Variants in RGS6 observed in about 807,000 individuals in gnomAD.
RGS6 encodes regulator of G-protein signaling 6.
Under a neutral mutation model 78.5 loss-of-function variants are expected in RGS6, and 30 were observed. The ratio of observed to expected loss-of-function variants is 0.38; its 90% CI spans 0.29 to 0.52. RGS6 has a LOEUF of 0.52. RGS6 is among the 20% of genes least tolerant of loss of function. RGS6 has a pLI of 0.85. For missense variants in RGS6, 495 were observed against 609.7 expected (o/e 0.81, Z 1.98); for synonymous variants, 206 against 206.0 (o/e 1.00, Z 0.00).
intron 2 of RGS6, among the ~76,000 whole-genome samples, chr14:72,009,164 G>A (rs543399286): frequency 6.6e-6 from 1 of 152,268 alleles, no homozygotes; most frequent in African/African-American, 2.4e-5. Context: ...AGAACAACCT[G>A]GGCAACAGAG....
intron 2 of RGS6, among the ~76,000 whole-genome samples, chr14:72,080,868 A>G (rs1295633827): frequency 6.6e-6 from 1 of 152,048 alleles, no homozygotes; most frequent in Non-Finnish European, 1.5e-5. Context: ...ACCTTGTTCC[A>G]TTGGCCTAAG....
chr14:72,021,887 G>C (rs532117975), intron 2 of RGS6, among the ~76,000 whole-genome samples: 1 of 151,964 alleles, frequency 6.6e-6, no homozygotes, highest in Non-Finnish European at 1.5e-5. Flanking sequence ...GGTGTATTAA[G>C]CCTAGTACCC....
At position 72,015,460 on chromosome 14, in the gene RGS6, C is replaced by T. The variant is rs188515433; in HGVS notation, c.84+50585C>T. Among the ~76,000 whole-genome samples, 5 of 152,282 alleles carry T rather than the reference C, an allele frequency of 3.3e-5. No homozygotes were observed. The East Asian group carries it at 7.7e-4, about 23-fold the overall frequency. ...ACTATAGCAACTGCTCCATAGGATTCCAGTATATACGAATAAATCAAGAGT... is the reference window on the plus strand; with the variant it reads ...ACTATAGCAACTGCTCCATAGGATTTCAGTATATACGAATAAATCAAGAGT... On this transcript the variant is annotated intron_variant, in intron 2 of 17. Transcript: ENST00000553525.
chr14:71,988,912 C>T (rs1405572431), intron 2 of RGS6, among the ~76,000 whole-genome samples: 5 of 152,152 alleles, frequency 3.3e-5, no homozygotes, highest in Non-Finnish European at 2.9e-5. Flanking sequence ...TGTTTCCTTT[C>T]CTGAGGGGTC....
In RGS6 at chr14:72,416,149, A is replaced by G. The variant is rs1053873754; in HGVS notation, c.185-38379A>G. 3.1e-3 allele frequency among the ~76,000 whole-genome samples: 469 copies of G among 152,074 alleles called. 1 individual carries two copies. Among genetic ancestry groups the G allele is most frequent in the African/African-American group, 0.011 (448 of 41,510 alleles). Reference sequence around the variant, plus strand: ...GACAGAATGAGACTCTGTCTCAAAAAAAAAAAAAAAAAAGTTTATTCCTAG... The same window carrying G: ...GACAGAATGAGACTCTGTCTCAAAAGAAAAAAAAAAAAAGTTTATTCCTAG... On this transcript the variant is annotated intron_variant, in intron 3 of 17. Transcript: ENST00000553525.
At chr14:72,203,808 C>A (rs528601150) in intron 2 of RGS6, among the ~76,000 whole-genome samples, 11 of 135,366 alleles carry the variant, frequency 8.1e-5, no homozygotes, top group African/African-American at 1.9e-4. Context: ...GCTATTGTAA[C>A]CTTTCTTTCT....
At chr14:72,418,276 C>T (rs974436654) in intron 3 of RGS6, among the ~76,000 whole-genome samples, 6 of 152,010 alleles carry the variant, frequency 3.9e-5, no homozygotes, top group African/African-American at 1.4e-4. Context: ...AAGCAATTCT[C>T]CTGCCTCAGC....
chr14:72,345,435 G>A (rs1352586962), intron 2 of RGS6, among the ~76,000 whole-genome samples: 5 of 152,172 alleles, frequency 3.3e-5, no homozygotes, highest in Non-Finnish European at 7.3e-5. Flanking sequence ...TAGGCATTTT[G>A]ATCATTGTCA....
chr14:72,269,265 A>G (rs2059553646), intron 2 of RGS6, among the ~76,000 whole-genome samples: 1 of 152,202 alleles, frequency 6.6e-6, no homozygotes, highest in South Asian at 2.1e-4. Context: ...AGGCAGATAA[A>G]CCAGATCAGA....
chr14:72,470,247 G>A lies in RGS6; in HGVS notation c.536+164G>A, dbSNP rs114816444. 6.6e-3 allele frequency among the ~76,000 whole-genome samples: 1,010 copies of A among 152,250 alleles called. 6 individuals are homozygous for A. Among genetic ancestry groups the A allele is most frequent in the African/African-American group, 0.023 (964 of 41,530 alleles). On this transcript the variant is annotated intron_variant, in intron 8 of 17. Coordinates refer to ENST00000553525, the MANE Select transcript of RGS6 (RefSeq NM_001204424.2). Reference sequence around the variant, plus strand: ...ATTAAAGTCAGGATGGATAAGTTTTGTCTTCATAATCAATGCTTCTCTAAA... The same window carrying A: ...ATTAAAGTCAGGATGGATAAGTTTTATCTTCATAATCAATGCTTCTCTAAA...
chr14:72,013,271 CAAAAAA>C (rs59579709), intron 2 of RGS6, among the ~76,000 whole-genome samples: 1 of 77,052 alleles, frequency 1.3e-5, no homozygotes, highest in Non-Finnish European at 2.3e-5. Flanking sequence ...ACTCCGTCTC[CAAAAAA>C]AAAAAAAAAA....
At chr14:72,555,374 G>T (rs1337983323) in intron 17 of RGS6, among the ~76,000 whole-genome samples, 2 of 152,236 alleles carry the variant, frequency 1.3e-5, no homozygotes, top group African/African-American at 4.8e-5. Flanking sequence ...TGCCAGGCTT[G>T]TCAGCCAGCA....
intron 12 of RGS6, among the ~76,000 whole-genome samples, chr14:72,493,116 C>T (rs1415821926): frequency 6.6e-6 from 1 of 152,154 alleles, no homozygotes; most frequent in African/African-American, 2.4e-5. Flanking sequence ...GCCCACTGAG[C>T]CGCCAAGCAG....
intron 2 of RGS6, among the ~76,000 whole-genome samples, chr14:72,134,974 G>A (rs536914173): frequency 4.8e-4 from 73 of 152,218 alleles, no homozygotes; most frequent in Non-Finnish European, 9.1e-4. Flanking sequence ...TCAAATGCCA[G>A]TTTCTTCTGA....
chr14:72,285,627 T>A (rs1333719784), intron 2 of RGS6, among the ~76,000 whole-genome samples: 2 of 152,222 alleles, frequency 1.3e-5, no homozygotes, highest in African/African-American at 2.4e-5. Flanking sequence ...TTTTACATTT[T>A]ACATTTCCAC....
intron 6 of RGS6, among the ~76,000 whole-genome samples, chr14:72,464,274 AAGC>A (rs1166765748): frequency 6.6e-6 from 1 of 152,184 alleles, no homozygotes; most frequent in African/African-American, 2.4e-5. Context: ...GTTTTCATAG[AAGC>A]AACACTCTCT....
chr14:72,520,442 C>T (rs1027206388), intron 15 of RGS6, among the ~76,000 whole-genome samples: 2 of 152,226 alleles, frequency 1.3e-5, no homozygotes, highest in Admixed American at 1.3e-4. Flanking sequence ...TATCAGAAGG[C>T]ACATGTCTAG....
At chr14:72,053,659 T>A (rs1359288747) in intron 2 of RGS6, among the ~76,000 whole-genome samples, 1 of 152,256 alleles carries the variant, frequency 6.6e-6, no homozygotes, top group Admixed American at 6.5e-5. Context: ...TTTTTCTGTT[T>A]TCATTTTATG....
At chr14:72,468,068 G>A (rs2095971088) in intron 7 of RGS6, among the ~76,000 whole-genome samples, 1 of 152,160 alleles carries the variant, frequency 6.6e-6, no homozygotes, top group African/African-American at 2.4e-5. Flanking sequence ...CTCTTCTCTT[G>A]TCCCTTAATG....
Sources: gnomAD v4.1 joint callset for allele counts (sites outside exome capture counted in the v4.1 genomes callset) on GRCh38, gnomAD v4.1.1 for gene constraint, MANE v1.5 for transcripts, NCBI Gene and HGNC (gene_info 2026-07-23, HGNC 2026-07-21) for gene names.